The following PTPN13 variants were observed in gnomAD, a reference collection of about 807,000 sequenced individuals.
PTPN13 encodes tyrosine-protein phosphatase non-receptor type 13.
Under a neutral mutation model 284.0 loss-of-function variants are expected in PTPN13, and 191 were observed. The observed-to-expected ratio is 0.67, with a 90% CI of 0.60 to 0.76. The LOEUF is 0.76. PTPN13 is among the 30% of genes least tolerant of loss of function. The pLI, the probability that PTPN13 is intolerant of heterozygous loss-of-function variation, is 0.00. For missense variants in PTPN13, 2,797 were observed against 2,939.9 expected, an observed-to-expected ratio of 0.95 and a Z score of 1.12; for synonymous variants, 986 against 1,022.3, an observed-to-expected ratio of 0.96 and a Z score of 0.68.
Position 86,751,544 on chromosome 4 carries a change from T to A in PTPN13, c.3166+420T>A, listed in dbSNP as rs544469734. Among the ~76,000 whole-genome samples the A allele has an allele frequency of 7.2e-5, 11 of 152,284 alleles. No individual in the cohort carries two copies. The South Asian group carries it at 1.9e-3, about 26-fold the overall frequency. On this transcript the variant is annotated intron_variant, in intron 19 of 47. Coordinates refer to ENST00000411767, the MANE Select transcript of PTPN13 (RefSeq NM_080683.3). ...TATGTTGCCCAGGTTGGTCTTGAAC[T>A]CCTGGACTCAAGGGGTCTGCCCACC...
chr4:86,705,825 A>G (rs987667692), intron 7 of PTPN13, among the ~76,000 whole-genome samples: 2 of 151,990 alleles, frequency 1.3e-5, no homozygotes, highest in Non-Finnish European at 2.9e-5. Context: ...ACTACATGTG[A>G]CTTAAAAAAA....
chr4:86,760,408 A>C (rs1053718629), intron 23 of PTPN13, among the ~76,000 whole-genome samples: 42 of 152,152 alleles, frequency 2.8e-4, no homozygotes, highest in Admixed American at 6.6e-5. Flanking sequence ...ATGCAGAATA[A>C]ATTTATTGCC....
chr4:86,741,021 C>G (rs1050124105), intron 15 of PTPN13, among the ~76,000 whole-genome samples: 4 of 152,242 alleles, frequency 2.6e-5, no homozygotes, highest in Admixed American at 2.6e-4. Context: ...TCAGCCTGGA[C>G]CTTATTGTTC....
chr4:86,604,443 ATCAC>A (rs1369219722), intron 1 of PTPN13, among the ~76,000 whole-genome samples: 1 of 152,042 alleles, frequency 6.6e-6, no homozygotes, highest in Admixed American at 6.6e-5. Flanking sequence ...GCATCTCTTT[ATCAC>A]TCAGATTTTA....
At chr4:86,666,883 A>C (rs1727146468) in intron 2 of PTPN13, among the ~76,000 whole-genome samples, 1 of 152,168 alleles carries the variant, frequency 6.6e-6, no homozygotes, top group Non-Finnish European at 1.5e-5. Context: ...AAGAGAAGGG[A>C]AGATGGAGCC....
chr4:86,609,938 T>G (rs1317468515), intron 1 of PTPN13, among the ~76,000 whole-genome samples: 1 of 152,198 alleles, frequency 6.6e-6, no homozygotes. Context: ...AAAACATGTT[T>G]GTTTTTCTAG....
chr4:86,804,581 C>T (rs1238545695), intron 43 of PTPN13, among the ~76,000 whole-genome samples: 1 of 152,144 alleles, frequency 6.6e-6, no homozygotes, highest in African/African-American at 2.4e-5. Flanking sequence ...TTAAATGTCA[C>T]CATCAGAAAA....
intron 44 of PTPN13, 56 bp from the exon 45 acceptor site, chr4:86,807,504 C>T: frequency 7.5e-7 from 1 of 1,333,732 alleles, no homozygotes; most frequent in East Asian, 2.3e-5. Flanking sequence ...ATTTGTAAGA[C>T]TCTTGTTTAA....
chr4:86,792,218 G>A (rs1175368089), intron 40 of PTPN13, among the ~76,000 whole-genome samples: 1 of 152,194 alleles, frequency 6.6e-6, no homozygotes, highest in Non-Finnish European at 1.5e-5. Flanking sequence ...ACATGCACAA[G>A]CTTCAATCGC....
chr4:86,693,525 T>C lies in PTPN13; in HGVS notation c.547-62T>C, dbSNP rs1179204801. The C allele has an allele frequency of 4.6e-6, 5 of 1,096,692 alleles. No individual in the cohort carries two copies. In the East Asian group the frequency reaches 1.3e-4, roughly 29 times the overall value. 67.9% of individuals were successfully genotyped at this position (1,096,692 alleles called of 1,614,324 possible). ...GTAACTAGTGTCATTCTGTAAACAGTTACCATGAAAACAAAAGGGAGATCC... is the reference window on the plus strand; with the variant it reads ...GTAACTAGTGTCATTCTGTAAACAGCTACCATGAAAACAAAAGGGAGATCC... On this transcript the variant is annotated intron_variant, in intron 5 of 47. Coordinates refer to ENST00000411767, the MANE Select transcript of PTPN13 (RefSeq NM_080683.3).
chr4:86,621,501 A>G (rs1047235019), intron 1 of PTPN13, among the ~76,000 whole-genome samples: 2 of 152,110 alleles, frequency 1.3e-5, no homozygotes, highest in African/African-American at 4.8e-5. Context: ...TTTTTAACTC[A>G]TTTGAATGCA....
intron 1 of PTPN13, among the ~76,000 whole-genome samples, chr4:86,615,030 C>T (rs1478341735): frequency 6.6e-6 from 1 of 152,026 alleles, no homozygotes; most frequent in East Asian, 1.9e-4. Flanking sequence ...TTATAGTACA[C>T]AATTTGTTTT....
chr4:86,763,381 A>G (rs1158299911), intron 24 of PTPN13, among the ~76,000 whole-genome samples, 191 bp downstream of exon 24: 1 of 152,200 alleles, frequency 6.6e-6, no homozygotes, highest in Non-Finnish European at 1.5e-5. Context: ...AATAACTTTA[A>G]ATGGCTATGA....
chr4:86,761,246 A>G (rs938039638), intron 23 of PTPN13, among the ~76,000 whole-genome samples: 2 of 150,330 alleles, frequency 1.3e-5, no homozygotes, highest in Non-Finnish European at 3.0e-5. Context: ...TGCTTACTCA[A>G]CATATTCTGT....
At chr4:86,679,473 A>C (rs867726849) in intron 3 of PTPN13, among the ~76,000 whole-genome samples, 2 of 152,164 alleles carry the variant, frequency 1.3e-5, no homozygotes, top group Admixed American at 6.5e-5. Context: ...TAGAAAAGCA[A>C]GTTCTTAGGC....
Position 86,734,398 on chromosome 4 carries a change from GTTAAT to G in PTPN13, c.1957_1961del (p.Asn653TyrfsTer7). On this transcript the variant is annotated frameshift_variant, in exon 13 of 48. Transcript: ENST00000411767. LOFTEE classifies it high-confidence loss of function. ...ACCAAAGAAAAAGACCAAAGCCACT[GTTAAT>G]TTTACTTTGTTTTTCAGAATTAAAT... 6.4e-7 allele frequency: 1 copy of G among 1,560,288 alleles called. No individual in the cohort carries two copies. Among genetic ancestry groups the G allele is most frequent in the Non-Finnish European group, 8.7e-7 (1 of 1,150,236 alleles).
At chr4:86,740,174 T>C (rs1229753552) in intron 15 of PTPN13, among the ~76,000 whole-genome samples, 1 of 152,192 alleles carries the variant, frequency 6.6e-6, no homozygotes, top group Non-Finnish European at 1.5e-5. Context: ...CTCCACTAAG[T>C]GGTGCTCCAG....
chr4:86,692,953 C>T (rs1287769811), intron 5 of PTPN13, among the ~76,000 whole-genome samples: 1 of 151,626 alleles, frequency 6.6e-6, no homozygotes, highest in African/African-American at 2.4e-5. Flanking sequence ...GTGGTATGCA[C>T]CAGTAGTCCC....
At chr4:86,796,484 A>AT (rs947844958) in intron 40 of PTPN13, among the ~76,000 whole-genome samples, 5 of 151,804 alleles carry the variant, frequency 3.3e-5, no homozygotes, top group African/African-American at 1.2e-4. Flanking sequence ...AAAAAAAAAA[A>AT]TTTTTAATTA....
Sources: gnomAD v4.1 joint callset for allele counts (sites outside exome capture counted in the v4.1 genomes callset) on GRCh38, gnomAD v4.1.1 for gene constraint, MANE v1.5 for transcripts, NCBI Gene and HGNC (gene_info 2026-07-23, HGNC 2026-07-21) for gene names.